CACNA1I: variants seen among roughly 807,000 people sequenced by gnomAD.
The protein encoded by CACNA1I is calcium voltage-gated channel subunit alpha1 I.
A neutral mutation model predicts 201.6 loss-of-function variants in CACNA1I; 74 were observed. That is an observed-to-expected ratio of 0.37 (90% CI 0.30 to 0.45). The LOEUF is 0.45. Ranked by LOEUF, CACNA1I falls within the 20% of genes least tolerant of loss-of-function variation. CACNA1I has a pLI of 1.00. For synonymous variants in CACNA1I, 1,431 were observed against 1,345.2 expected (o/e 1.06, Z -1.40); for missense variants, 2,346 against 3,138.1 (o/e 0.75, Z 6.03).
intron 7 of CACNA1I, among the ~76,000 whole-genome samples, chr22:39,644,935 G>T (rs1402803901): frequency 6.6e-6 from 1 of 150,896 alleles, no homozygotes; most frequent in Non-Finnish European, 1.5e-5. Context: ...TGATCCTCCT[G>T]CCTTGGCTTC....
intron 10 of CACNA1I, among the ~76,000 whole-genome samples, chr22:39,655,170 G>A (rs1934775245): frequency 1.3e-5 from 2 of 152,164 alleles, no homozygotes; most frequent in African/African-American, 4.8e-5. Context: ...GATAATGCAT[G>A]GGGCGTGCTC....
chr22:39,588,587 G>A (rs899652466), intron 1 of CACNA1I, among the ~76,000 whole-genome samples: 24 of 151,458 alleles, frequency 1.6e-4, no homozygotes, highest in Non-Finnish European at 3.1e-4. Context: ...GGGTTTCACC[G>A]CGTTAGCCAA....
rs940688546 is a variant in CACNA1I at position 39,666,250 on chromosome 22, A to G, written c.4104+244A>G. Among the ~76,000 whole-genome samples, 4 of 152,120 alleles carry G rather than the reference A, an allele frequency of 2.6e-5. No homozygotes were observed. The highest frequency in any genetic ancestry group is 5.9e-5 in the Non-Finnish European group (4 of 68,028). ...CCTGCACTTAGTAGGTGCTTTGTGAACATTGGTTCTTGGCTCCCACCCCCG... is the reference window on the plus strand; with the variant it reads ...CCTGCACTTAGTAGGTGCTTTGTGAGCATTGGTTCTTGGCTCCCACCCCCG... On this transcript the variant is annotated intron_variant, in intron 23 of 36. Transcript: ENST00000402142. The surrounding 1 kb of genome is among the most constrained non-coding windows in gnomAD (Gnocchi z 4.1).
chr22:39,619,960 C>T (rs542760181), intron 4 of CACNA1I, among the ~76,000 whole-genome samples: 43 of 150,822 alleles, frequency 2.9e-4, no homozygotes, highest in Admixed American at 2.4e-3. Flanking sequence ...TCCGTCCGTC[C>T]GTCCATCCAT....
rs914977543 is a variant in CACNA1I, at chr22:39,629,068, C to G, written c.581-5497C>G. 6.6e-6 allele frequency among the ~76,000 whole-genome samples: 1 copy of G among 152,090 alleles called. No homozygotes were observed. Among genetic ancestry groups the G allele is most frequent in the Non-Finnish European group, 1.5e-5 (1 of 67,994 alleles). On this transcript the variant is annotated intron_variant, in intron 4 of 36. Transcript: ENST00000402142. This position sits in a 1 kb window ranked among gnomAD's most constrained non-coding sequence, Gnocchi z 4.8. Reference sequence around the variant, plus strand: ...GGGGCTGCCTCTGCCTGGCTGCTGCCCAGGTTCTCTCAAGCAGAGGCTCTA... The same window carrying G: ...GGGGCTGCCTCTGCCTGGCTGCTGCGCAGGTTCTCTCAAGCAGAGGCTCTA...
intron 3 of CACNA1I, among the ~76,000 whole-genome samples, chr22:39,617,231 C>T (rs1002154871): frequency 6.6e-6 from 1 of 152,184 alleles, no homozygotes; most frequent in Admixed American, 6.5e-5. Flanking sequence ...TTCATGGGGA[C>T]GGGAACAAGT....
chr22:39,604,515 C>T (rs1049818259), intron 3 of CACNA1I, among the ~76,000 whole-genome samples: 1 of 152,136 alleles, frequency 6.6e-6, no homozygotes, highest in African/African-American at 2.4e-5. Flanking sequence ...GAACAAGGGG[C>T]CCTGCATCTT....
chr22:39,672,845 C>T, intron 27 of CACNA1I, 104 bp from the exon 28 acceptor site: 1 of 1,309,716 alleles, frequency 7.6e-7, no homozygotes, highest in Non-Finnish European at 1.0e-6. Context: ...TAATGGGCCA[C>T]AATAGAAGGG....
chr22:39,617,252 C>A (rs751376177), intron 3 of CACNA1I, among the ~76,000 whole-genome samples: 3 of 152,186 alleles, frequency 2.0e-5, no homozygotes, highest in Non-Finnish European at 4.4e-5. Flanking sequence ...CCTTGATGAG[C>A]GCCTGCCAGA....
chr22:39,617,426 C>T (rs1448194498), intron 3 of CACNA1I, among the ~76,000 whole-genome samples: 1 of 152,046 alleles, frequency 6.6e-6, no homozygotes, highest in East Asian at 1.9e-4. Flanking sequence ...CCCCGCCCCC[C>T]ACAGGATCTG....
intron 1 of CACNA1I, among the ~76,000 whole-genome samples, chr22:39,590,590 C>T (rs1932809675): frequency 6.6e-6 from 1 of 152,236 alleles, no homozygotes; most frequent in African/African-American, 2.4e-5. Context: ...AGTTGGGGGT[C>T]CCTCACATCG....
In CACNA1I at chr22:39,649,837, G is replaced by A. The variant is rs1474052770; in HGVS notation, c.1904G>A (p.Gly635Asp). The A allele has an allele frequency of 1.9e-6, 3 of 1,613,488 alleles. No homozygotes were observed. The highest frequency in any genetic ancestry group is 1.7e-5 in the Admixed American group (1 of 60,000). Residue 635 changes from glycine (G) to aspartate (D), a missense_variant, in exon 10 of 37, where the codon GGC (glycine) becomes GAC (aspartate). Around this residue, in one of 13 missense-constraint regions of CACNA1I, gnomAD observed 312 missense variants for 331.5 expected, o/e 0.94. Transcript: ENST00000402142. The surrounding 1 kb of genome is among the most constrained non-coding windows in gnomAD (Gnocchi z 7.3). The part of the protein sequence containing the change: ...VWRETRAKLR[G>D]IVDSKYFNRG... ...CGGGAGACGCGAGCCAAGCTGCGCG[G>A]CATCGTGGACAGCAAGTACTTCAAC...
intron 1 of CACNA1I, among the ~76,000 whole-genome samples, chr22:39,573,375 G>C (rs928654827): frequency 1.3e-5 from 2 of 152,086 alleles, no homozygotes; most frequent in Non-Finnish European, 2.9e-5. Context: ...AGAGGACTTG[G>C]CCTGGGAGTC....
chr22:39,602,562 T>A (rs1569057343), intron 3 of CACNA1I, among the ~76,000 whole-genome samples: 1 of 152,202 alleles, frequency 6.6e-6, no homozygotes, highest in Non-Finnish European at 1.5e-5. Context: ...AGTTTTTTTT[T>A]AAAAGAAAAG....
At chr22:39,592,451 T>C (rs1007677487) in intron 1 of CACNA1I, among the ~76,000 whole-genome samples, 1 of 152,178 alleles carries the variant, frequency 6.6e-6, no homozygotes, top group African/African-American at 2.4e-5. Flanking sequence ...TGCCCCTGTT[T>C]TCCATCAGTG....
At chr22:39,581,292 G>C (rs1932539141) in intron 1 of CACNA1I, among the ~76,000 whole-genome samples, 1 of 152,194 alleles carries the variant, frequency 6.6e-6, no homozygotes, top group African/African-American at 2.4e-5. Flanking sequence ...GCTCAGAGCT[G>C]AGTTTAGGGT....
intron 7 of CACNA1I, among the ~76,000 whole-genome samples, 152 bp downstream of exon 7, chr22:39,643,041 C>T (rs561304519): frequency 3.9e-5 from 6 of 152,150 alleles, no homozygotes; most frequent in African/African-American, 1.2e-4. Context: ...TCAGCACCAC[C>T]GGGCAGCAGA....
rs149434867 is a variant in CACNA1I, at chr22:39,583,841, T to A, written c.236+12853T>A. 9.0e-3 allele frequency among the ~76,000 whole-genome samples: 1,378 copies of A among 152,384 alleles called. 10 individuals are homozygous for A. The highest frequency in any genetic ancestry group is 0.034 in the Middle Eastern group (10 of 294). ...GACTATGAGCTCCTTGAAGATGGGT[T>A]CCATGTTCCAAGAGTGCCTGTTTCT... On this transcript the variant is annotated intron_variant, in intron 1 of 36. Transcript: ENST00000402142.
chr22:39,637,047 G>A (rs1223796910), intron 5 of CACNA1I, among the ~76,000 whole-genome samples: 3 of 152,234 alleles, frequency 2.0e-5, no homozygotes, highest in Admixed American at 1.3e-4. Flanking sequence ...CTCCCTGGCT[G>A]TGTGGGTGTC....
Sources: allele counts gnomAD v4.1 joint callset (sites outside exome capture counted in the v4.1 genomes callset), GRCh38; gene constraint gnomAD v4.1.1; regional missense constraint gnomAD v4.1.1; non-coding constraint Gnocchi (gnomAD v3.1); transcripts MANE v1.5; gene names NCBI Gene and HGNC (gene_info 2026-07-23, HGNC 2026-07-21).